C9orf43: variants seen among roughly 807,000 people sequenced by gnomAD.
C9orf43 encodes the protein uncharacterized protein C9orf43.
C9orf43 carries 45 observed loss-of-function variants against 59.1 expected under a neutral mutation model. That is an observed-to-expected ratio of 0.76 (90% CI 0.60 to 0.98). The LOEUF (loss-of-function observed/expected upper bound fraction) is 0.98. C9orf43 is among the 50% of genes least tolerant of loss of function. The pLI is 0.00. For missense variants in C9orf43, 533 were observed against 554.9 expected (o/e 0.96, Z 0.40); for synonymous variants, 203 against 196.8 (o/e 1.03, Z -0.26).
chr9:113,413,515 C>T lies in C9orf43; in HGVS notation c.22C>T (p.Gln8Ter). MDLPDES[Q>*]WDETTCGLAV... The stretch of plus-strand genomic sequence containing the variant: ...AGCTATGGACTTGCCAGATGAGAGC[C>T]AGTGGGACGAAACCACCTGTGGCTT... The change falls in exon 2 of 14, where the codon CAG becomes TAG. Residue 8 changes from glutamine (Q) to a stop codon, truncating the protein, a stop_gained. Coordinates refer to ENST00000374165, the MANE Select transcript of C9orf43 (RefSeq NM_001278629.2). LOFTEE classifies it high-confidence loss of function. The T allele has an allele frequency of 6.2e-7, 1 of 1,613,812 alleles. No homozygotes were observed.
chr9:113,424,347 C>T, intron 8 of C9orf43, 31 bp downstream of exon 8: 1 of 1,571,184 alleles, frequency 6.4e-7, no homozygotes, highest in Non-Finnish European at 8.6e-7. Context: ...GGGAAGAAGC[C>T]TATGTGAAAA....
chr9:113,419,019 A>AT, intron 3 of C9orf43, 89 bp from the exon 4 acceptor site: 1 of 1,049,746 alleles, frequency 9.5e-7, no homozygotes, highest in East Asian at 2.4e-5. Flanking sequence ...TTTTCTGTAG[A>AT]TAAGTAGAAG....
chr9:113,428,182 A>AAGC lies in C9orf43; in HGVS notation c.1078_1080dup (p.Gln360dup), dbSNP rs776602271. The AAGC allele has an allele frequency of 2.5e-6, 4 of 1,614,196 alleles. No individual in the cohort carries two copies. The South Asian group carries it at 3.3e-5, about 13-fold the overall frequency. On this transcript the variant is annotated inframe_insertion, in exon 12 of 14. Transcript: ENST00000374165. ...TCTGCCAGGTCAGAACAGTGACATG[A>AAGC]AGCAGCAGCAGCAGATGGAAAAAGG... is the stretch of plus-strand genomic sequence containing the variant.
intron 1 of C9orf43, 191 bp downstream of exon 1, chr9:113,411,192 A>G: frequency 1.3e-6 from 1 of 776,864 alleles, no homozygotes. Flanking sequence ...GCAACGTCAC[A>G]TTCGCTTTCA....
At position 113,413,883 on chromosome 9, in the gene C9orf43, A is replaced by G. The variant is rs1828263802; in HGVS notation, c.276A>G (p.Lys92=). The G allele has an allele frequency of 6.2e-7, 1 of 1,608,298 alleles. No individual in the cohort carries two copies. The highest frequency in any genetic ancestry group is 8.5e-7 in the Non-Finnish European group (1 of 1,178,492). Residue 92 remains lysine (K), a synonymous_variant, in exon 3 of 14, where the codon AAA becomes AAG. Transcript: ENST00000374165. ...CTCAGAGTTCAAAGTTTTACTCCAAATTTCATGGCAGGTAAATTATCATGG... is the reference window on the plus strand; with the variant it reads ...CTCAGAGTTCAAAGTTTTACTCCAAGTTTCATGGCAGGTAAATTATCATGG... ...LLSQSSKFYS[K]FHGRPPKGLP...
intron 3 of C9orf43, among the ~76,000 whole-genome samples, chr9:113,415,891 T>C (rs1828338055): frequency 6.6e-6 from 1 of 152,204 alleles, no homozygotes; most frequent in South Asian, 2.1e-4. Flanking sequence ...CTAACAATAG[T>C]ATAGGAAGAG....
chr9:113,424,870 T>G (rs1446826174), intron 8 of C9orf43, 149 bp from the exon 9 acceptor site: 1 of 651,604 alleles, frequency 1.5e-6, no homozygotes, highest in Non-Finnish European at 2.6e-6. Context: ...ACCTTTTCCC[T>G]TCCTCCGTAG....
At chr9:113,413,384 A>G (rs1828243306) in intron 1 of C9orf43, 61 bp from the exon 2 acceptor site, 4 of 1,377,308 alleles carry the variant, frequency 2.9e-6, no homozygotes, top group Non-Finnish European at 3.8e-6. Context: ...GTTCAAATTA[A>G]CATCTGGACT....
chr9:113,428,373 A>C, intron 12 of C9orf43, 150 bp downstream of exon 12: 1 of 834,776 alleles, frequency 1.2e-6, no homozygotes, highest in Non-Finnish European at 2.0e-6. Flanking sequence ...AGGTCACTTA[A>C]TGCAGCTGGG....
intron 1 of C9orf43, among the ~76,000 whole-genome samples, chr9:113,411,306 T>C (rs1486880134): frequency 1.3e-5 from 2 of 151,850 alleles, no homozygotes; most frequent in African/African-American, 4.8e-5. Context: ...GCGTTTCTTT[T>C]TTTTTTTTTT....
intron 8 of C9orf43, 104 bp downstream of exon 8, chr9:113,424,420 C>A: frequency 1.6e-6 from 2 of 1,271,378 alleles, no homozygotes; most frequent in Non-Finnish European, 2.2e-6. Flanking sequence ...TCCCTTCTGC[C>A]TTTCCACTCT....
At position 113,413,835 on chromosome 9, in the gene C9orf43, T is replaced by C. The variant is rs1422694164; in HGVS notation, c.228T>C (p.Phe76=). The C allele has an allele frequency of 6.2e-7, 1 of 1,613,960 alleles. No individual in the cohort carries two copies. Among genetic ancestry groups the C allele is most frequent in the Admixed American group, 1.7e-5 (1 of 60,014 alleles). The change falls in exon 3 of 14, where the codon TTT becomes TTC. Residue 76 remains phenylalanine (F), a synonymous_variant. Transcript: ENST00000374165. ...CTCATCATTTACCAGAATGTACCTT[T>C]ACTAAGGCCCATTCTTTATTGTCTC... ...FAAHHLPECT[F]TKAHSLLSQS... is the part of the protein sequence containing the mutation.
chr9:113,424,413 C>T (rs1186509178), intron 8 of C9orf43, 97 bp downstream of exon 8: 8 of 1,342,836 alleles, frequency 6.0e-6, no homozygotes, highest in Middle Eastern at 4.0e-4. Context: ...CCTTATCTCC[C>T]TTCTGCCTTT....
rs1178984268 is a variant in C9orf43 at position 113,423,560 on chromosome 9, G to A, written c.656+62G>A. 13 of 1,495,576 alleles carry A rather than the reference G, an allele frequency of 8.7e-6. No homozygotes were observed. The East Asian group carries it at 3.0e-4, about 34-fold the overall frequency. 92.6% of individuals were successfully genotyped at this position (1,495,576 alleles called of 1,614,324 possible). A position where few individuals can be genotyped will look rare whatever the true frequency, so the allele number is the denominator to read the frequency against. ...CCTGCTTTTTACTGAAGCTGGGATG[G>A]GTCTAAACAGTGTGCTTTTTCTGAG... On this transcript the variant is annotated intron_variant, in intron 7 of 13. Transcript: ENST00000374165.
At position 113,424,290 on chromosome 9, in the gene C9orf43, C is replaced by G; in HGVS notation, c.781C>G (p.Leu261Val). 1 of 1,613,618 alleles carries G rather than the reference C, an allele frequency of 6.2e-7. No homozygotes were observed. Among genetic ancestry groups the G allele is most frequent in the Non-Finnish European group, 8.5e-7 (1 of 1,179,740 alleles). Reference protein sequence around the residue: ...PDSVISSKMFLSIHRLTLERP... With the variant: ...PDSVISSKMFVSIHRLTLERP... The stretch of plus-strand genomic sequence containing the variant: ...CAGTGTGATTTCTTCTAAGATGTTT[C>G]TATCTATACACCGCCTCACCCTGGA... Residue 261 changes from leucine (L) to valine (V), a missense_variant, in exon 8 of 14, where the codon CTA (leucine) becomes GTA (valine). Transcript: ENST00000374165.
Position 113,425,001 on chromosome 9 carries a change from TC to T in C9orf43, c.808-17del. On this transcript the variant is annotated splice_polypyrimidine_tract_variant and intron_variant, in intron 8 of 13. Coordinates refer to ENST00000374165, the MANE Select transcript of C9orf43 (RefSeq NM_001278629.2). The stretch of plus-strand genomic sequence containing the variant: ...AGACCTGCAGTAGAGCTTTTCTTTT[TC>T]TTTTTTCTTTCTCCAGAGACCAGCA... 2 of 1,605,974 alleles carry T rather than the reference TC, an allele frequency of 1.2e-6. No homozygotes were observed. The highest frequency in any genetic ancestry group is 1.7e-6 in the Non-Finnish European group (2 of 1,178,680).
At chr9:113,414,959 G>C (rs1204654880) in intron 3 of C9orf43, among the ~76,000 whole-genome samples, 1 of 152,048 alleles carries the variant, frequency 6.6e-6, no homozygotes, top group Non-Finnish European at 1.5e-5. Flanking sequence ...AGCCTCCCGA[G>C]TATCTGGAAT....
rs369027879 is a variant in C9orf43 at position 113,423,337 on chromosome 9, A to G, written c.495A>G (p.Ser165=). ...KRKNSAVKSK[S]FLGLSGNQSA... is the part of the protein sequence containing the mutation. The stretch of plus-strand genomic sequence containing the variant: ...TGTTTCTCTTCCAGAAAAGCAAGTC[A>G]TTTCTGGGTCTCTCTGGAAATCAGT... Residue 165 remains serine (S), a synonymous_variant, in exon 7 of 14, where the codon TCA becomes TCG. Coordinates refer to ENST00000374165, the MANE Select transcript of C9orf43 (RefSeq NM_001278629.2). 1.2e-6 allele frequency: 2 copies of G among 1,613,612 alleles called. No individual in the cohort carries two copies. Among genetic ancestry groups the G allele is most frequent in the Non-Finnish European group, 1.7e-6 (2 of 1,179,700 alleles).
At chr9:113,412,648 A>G (rs1564396679) in intron 1 of C9orf43, among the ~76,000 whole-genome samples, 1 of 152,218 alleles carries the variant, frequency 6.6e-6, no homozygotes, top group Non-Finnish European at 1.5e-5. Context: ...CTGCAGTCCT[A>G]CTTAGGGATT....
Sources: allele counts gnomAD v4.1 joint callset (sites outside exome capture counted in the v4.1 genomes callset), GRCh38; gene constraint gnomAD v4.1.1; transcripts MANE v1.5; gene names NCBI Gene and HGNC (gene_info 2026-07-23, HGNC 2026-07-21).